Variants in B4GALT4 observed in about 807,000 individuals in gnomAD.
B4GALT4 encodes the protein beta-1,4-galactosyltransferase 4, also known as N-acetyllactosamine synthase.
B4GALT4 carries 27 observed loss-of-function variants against 37.3 expected under a neutral mutation model. That is an observed-to-expected ratio of 0.72 (90% confidence interval 0.53 to 1.00). The LOEUF (loss-of-function observed/expected upper bound fraction) is 1.00. B4GALT4 is among the 50% of genes least tolerant of loss of function. B4GALT4 has a pLI of 0.00. For missense variants in B4GALT4, 372 were observed against 413.1 expected (o/e 0.90, Z 0.86); for synonymous variants, 148 against 154.1 (o/e 0.96, Z 0.29).
At position 119,216,281 on chromosome 3, in the gene B4GALT4, G is replaced by A. The variant is rs993875444; in HGVS notation, c.861C>T (p.Val287=). Residue 287 remains valine (V), a synonymous_variant, in exon 7 of 8, where the codon GTC becomes GTT. Transcript: ENST00000393765. The stretch of plus-strand genomic sequence containing the variant: ...CATTGCCTTTGTCTCTAGTGTGGAA[G>A]ACCATTGTATATTTACCCACTTCAG... ...PLPEVGKYTM[V]FHTRDKGNEV... is the part of the protein sequence containing the mutation. 5 of 1,613,664 alleles carry A rather than the reference G, an allele frequency of 3.1e-6. No homozygotes were observed. The African/African-American group carries it at 4.0e-5, about 13-fold the overall frequency.
At chr3:119,220,462 C>T (rs928953297) in intron 5 of B4GALT4, among the ~76,000 whole-genome samples, 1 of 152,244 alleles carries the variant, frequency 6.6e-6, no homozygotes, top group African/African-American at 2.4e-5. Context: ...GCCCCGCCCT[C>T]AGAGTTTATA....
At chr3:119,227,320 G>A (rs1045000720) in intron 3 of B4GALT4, among the ~76,000 whole-genome samples, 1 of 152,162 alleles carries the variant, frequency 6.6e-6, no homozygotes, top group Non-Finnish European at 1.5e-5. Context: ...ATCTGTAAGA[G>A]GGAATATCCT....
At chr3:119,237,123 T>A (rs1294899747) in intron 1 of B4GALT4, 53 bp from the exon 2 acceptor site, 1 of 152,218 alleles carries the variant, frequency 6.6e-6, no homozygotes, top group East Asian at 1.9e-4. Flanking sequence ...TTATGCAGCA[T>A]AATAGAGAAT....
chr3:119,218,727 T>C lies in B4GALT4; in HGVS notation c.720A>G (p.Arg240=). 1 of 1,614,144 alleles carries C rather than the reference T, an allele frequency of 6.2e-7. No individual in the cohort carries two copies. The highest frequency in any genetic ancestry group is 8.5e-7 in the Non-Finnish European group (1 of 1,179,992). Reference sequence around the variant, plus strand: ...ATCCATTCACCTTGAAAAACTGCTCTCTGCTTAGGGCAGTAACACCCCCAA... The same window carrying C: ...ATCCATTCACCTTGAAAAACTGCTCCCTGCTTAGGGCAGTAACACCCCCAA... ...GYFGGVTALS[R]EQFFKVNGFS... Residue 240 remains arginine, a synonymous_variant, in exon 6 of 8, where the codon AGA becomes AGG. Transcript: ENST00000393765.
In B4GALT4 at chr3:119,216,337, G is replaced by C. The variant is rs371571649; in HGVS notation, c.805C>G (p.Leu269Val). The C allele has an allele frequency of 3.9e-5, 63 of 1,612,012 alleles. No individual in the cohort carries two copies. The African/African-American group carries it at 7.9e-4, about 20-fold the overall frequency. ...EDDDLRLRVE[L>V]QRMKISRPLP... ...GGCCGGGAAATTTTCATTCTTTGGAGCTCAACCCTAGAAAAATAATAGAGA... is the reference window on the plus strand; with the variant it reads ...GGCCGGGAAATTTTCATTCTTTGGACCTCAACCCTAGAAAAATAATAGAGA... Residue 269 changes from leucine (L) to valine (V), a missense_variant, in exon 7 of 8, where the codon CTC (leucine) becomes GTC (valine). Coordinates refer to ENST00000393765, the MANE Select transcript of B4GALT4 (RefSeq NM_003778.4).
At chr3:119,218,167 C>CA (rs2078346579) in intron 6 of B4GALT4, among the ~76,000 whole-genome samples, 1 of 152,170 alleles carries the variant, frequency 6.6e-6, no homozygotes, top group Non-Finnish European at 1.5e-5. Flanking sequence ...GTCTCCACAG[C>CA]GTGCAGGGCT....
chr3:119,213,758 T>C (rs2078220353), intron 7 of B4GALT4: 1 of 152,224 alleles, frequency 6.6e-6, no homozygotes, highest in African/African-American at 2.4e-5. Flanking sequence ...ATACTTTTCA[T>C]ACAATTTAGG....
chr3:119,232,891 C>T (rs1199301499), intron 2 of B4GALT4: 2 of 152,258 alleles, frequency 1.3e-5, no homozygotes, highest in East Asian at 3.8e-4. Flanking sequence ...TCACTGCAAC[C>T]TCTACCTCCC....
At chr3:119,225,133 GC>G (rs1416442973) in intron 4 of B4GALT4, among the ~76,000 whole-genome samples, 1 of 152,198 alleles carries the variant, frequency 6.6e-6, no homozygotes, top group African/African-American at 2.4e-5. Flanking sequence ...CTGTTATAAT[GC>G]TACTGGTGGA....
At chr3:119,237,368 T>C (rs554598125) in intron 1 of B4GALT4, among the ~76,000 whole-genome samples, 1 of 152,252 alleles carries the variant, frequency 6.6e-6, no homozygotes, top group Non-Finnish European at 1.5e-5. Flanking sequence ...GATGCATGAA[T>C]GGCTTTTGAC....
At chr3:119,221,355 A>G (rs116618156) in intron 5 of B4GALT4, among the ~76,000 whole-genome samples, 6 of 152,218 alleles carry the variant, frequency 3.9e-5, no homozygotes, top group Admixed American at 2.0e-4. Context: ...TTCCCTCTGC[A>G]TGTGTGTAAG....
At chr3:119,222,815 A>C (rs2078488042) in intron 5 of B4GALT4, among the ~76,000 whole-genome samples, 1 of 152,108 alleles carries the variant, frequency 6.6e-6, no homozygotes, top group South Asian at 2.1e-4. Context: ...CCTTCCCTTC[A>C]AGGTGTTTCT....
intron 5 of B4GALT4, among the ~76,000 whole-genome samples, chr3:119,221,180 T>C (rs1246431475): frequency 1.3e-5 from 2 of 152,134 alleles, no homozygotes; most frequent in African/African-American, 2.4e-5. Flanking sequence ...AAAATAACAA[T>C]AGAATCCTTG....
In B4GALT4 at chr3:119,212,607, G is replaced by A; in HGVS notation, c.977C>T (p.Ser326Phe). 6.2e-7 allele frequency: 1 copy of A among 1,613,322 alleles called. No homozygotes were observed. Among genetic ancestry groups the A allele is most frequent in the South Asian group, 1.1e-5 (1 of 90,910 alleles). ...GLSSCSYKLV[S>F]VEHNPLYINI... ...GATATATAAAGGATTGTGTTCCACAGATACTAATTTATAAGAACAACTACT... is the reference window on the plus strand; with the variant it reads ...GATATATAAAGGATTGTGTTCCACAAATACTAATTTATAAGAACAACTACT... The change falls in exon 8 of 8, where the codon TCT becomes TTT. Residue 326 changes from serine (S) to phenylalanine (F), a missense_variant. By Grantham distance (155) the Ser-to-Phe change is radical. Coordinates refer to ENST00000393765, the MANE Select transcript of B4GALT4 (RefSeq NM_003778.4).
In B4GALT4 at chr3:119,218,692, T is replaced by C; in HGVS notation, c.755A>G (p.Asn252Ser). The change falls in exon 6 of 8, where the codon AAC becomes AGC. Residue 252 changes from asparagine to serine, a missense_variant. Transcript: ENST00000393765. ...GTCTTCGCCTCCCCATCCCCAGTAG[T>C]TGTTAGAGAATCCATTCACCTTGAA... is the stretch of plus-strand genomic sequence containing the variant. ...QFFKVNGFSN[N>S]YWGWGGEDDD... 2 of 1,614,200 alleles carry C rather than the reference T, an allele frequency of 1.2e-6. No homozygotes were observed. The highest frequency in any genetic ancestry group is 1.7e-6 in the Non-Finnish European group (2 of 1,180,026).
At chr3:119,231,586 T>C (rs912839539) in intron 2 of B4GALT4, among the ~76,000 whole-genome samples, 6 of 151,978 alleles carry the variant, frequency 3.9e-5, no homozygotes, top group African/African-American at 1.2e-4. Flanking sequence ...TGTGCTATGA[T>C]TACAACTAAC....
At chr3:119,214,256 A>G (rs936940815) in intron 7 of B4GALT4, 1 of 152,230 alleles carries the variant, frequency 6.6e-6, no homozygotes, top group African/African-American at 2.4e-5. Flanking sequence ...GGACTGTTTA[A>G]TATCAGGCTA....
At chr3:119,239,871 G>C (rs148800465) in intron 1 of B4GALT4, among the ~76,000 whole-genome samples, 205 of 152,106 alleles carry the variant, frequency 1.3e-3, no homozygotes, top group African/African-American at 4.8e-3. Flanking sequence ...CTCCCCGCCT[G>C]GGTCTCGGGA....
intron 4 of B4GALT4, among the ~76,000 whole-genome samples, chr3:119,224,735 A>T (rs1051299491): frequency 6.6e-6 from 1 of 152,236 alleles, no homozygotes; most frequent in Admixed American, 6.5e-5. Flanking sequence ...AAATTTTTTA[A>T]AAGCAGCTTT....
Sources: allele counts gnomAD v4.1 joint callset (sites outside exome capture counted in the v4.1 genomes callset), GRCh38; gene constraint gnomAD v4.1.1; transcripts MANE v1.5; gene names NCBI Gene and HGNC (gene_info 2026-07-23, HGNC 2026-07-21).